NKAIN2: variants seen among roughly 807,000 people sequenced by gnomAD.
NKAIN2 encodes sodium/potassium-transporting ATPase subunit beta-1-interacting protein 2.
NKAIN2 carries 14 observed loss-of-function variants against 32.6 expected under a neutral mutation model. The observed-to-expected ratio is 0.43, with a 90% CI of 0.28 to 0.67. NKAIN2 has a LOEUF of 0.67. Among genes scored for constraint, NKAIN2 ranks in the 30% least tolerant of loss-of-function variants. The probability of loss-of-function intolerance (pLI) is 0.17; values close to 1 mark genes in which losing one functional copy is unlikely to be tolerated. For synonymous variants in NKAIN2, 80 were observed against 87.2 expected, an observed-to-expected ratio of 0.92 and a Z score of 0.46; for missense variants, 198 against 258.3, an observed-to-expected ratio of 0.77 and a Z score of 1.60.
intron 1 of NKAIN2, among the ~76,000 whole-genome samples, chr6:123,911,822 C>A (rs868096856): frequency 2.9e-5 from 2 of 68,930 alleles, no homozygotes; most frequent in African/African-American, 9.1e-5. Context: ...TACACACACA[C>A]ACACACACAC....
intron 3 of NKAIN2, among the ~76,000 whole-genome samples, chr6:124,561,147 C>T (rs1221940743): frequency 1.3e-5 from 2 of 152,136 alleles, no homozygotes; most frequent in African/African-American, 2.4e-5. Flanking sequence ...GGGAAAAGTC[C>T]GAAGCAGGAG....
At chr6:123,957,840 T>A (rs1777667635) in intron 1 of NKAIN2, among the ~76,000 whole-genome samples, 1 of 152,212 alleles carries the variant, frequency 6.6e-6, no homozygotes, top group South Asian at 2.1e-4. Context: ...TTTGAAAAAT[T>A]AAATTTCTTT....
At chr6:124,465,872 T>C (rs1182178214) in intron 3 of NKAIN2, among the ~76,000 whole-genome samples, 1 of 152,126 alleles carries the variant, frequency 6.6e-6, no homozygotes, top group Non-Finnish European at 1.5e-5. Context: ...TTTATGAAAT[T>C]AGCCTGTGTA....
intron 1 of NKAIN2, among the ~76,000 whole-genome samples, chr6:123,941,216 A>G (rs1210692584): frequency 2.0e-5 from 3 of 151,756 alleles, no homozygotes; most frequent in Admixed American, 6.6e-5. Context: ...GTCTGCCCTG[A>G]TAACATTTCG....
intron 1 of NKAIN2, among the ~76,000 whole-genome samples, chr6:123,875,848 T>C (rs1210398938): frequency 6.6e-6 from 1 of 152,118 alleles, no homozygotes; most frequent in African/African-American, 2.4e-5. Flanking sequence ...CCTTCATTTG[T>C]TGACTAATTT....
chr6:124,545,637 AAT>A (rs200590738), intron 3 of NKAIN2, among the ~76,000 whole-genome samples: 11 of 150,796 alleles, frequency 7.3e-5, no homozygotes, highest in Middle Eastern at 3.2e-3. Flanking sequence ...TATGTCTAGG[AAT>A]ATATATATAT....
At chr6:124,139,628 T>G (rs1253281896) in intron 1 of NKAIN2, among the ~76,000 whole-genome samples, 2 of 152,262 alleles carry the variant, frequency 1.3e-5, no homozygotes, top group East Asian at 3.9e-4. Flanking sequence ...CCCATTATAG[T>G]GATAAAAGCT....
At chr6:124,185,154 A>C (rs1288570383) in intron 1 of NKAIN2, among the ~76,000 whole-genome samples, 3 of 152,132 alleles carry the variant, frequency 2.0e-5, no homozygotes. Context: ...TAGCAATTCT[A>C]CTATATTTGA....
intron 1 of NKAIN2, among the ~76,000 whole-genome samples, chr6:123,958,255 A>T (rs1777689098): frequency 6.6e-6 from 1 of 152,156 alleles, no homozygotes; most frequent in East Asian, 1.9e-4. Flanking sequence ...AAAAAATTGC[A>T]AATCATCAGA....
intron 3 of NKAIN2, among the ~76,000 whole-genome samples, chr6:124,395,529 T>C (rs1773340077): frequency 6.6e-6 from 1 of 152,114 alleles, no homozygotes; most frequent in Admixed American, 6.5e-5. Context: ...AAAGAAATGG[T>C]TAATAAAATT....
rs181687080 is a variant in NKAIN2, at chr6:124,230,892, C to G, written c.55-52113C>G. Among the ~76,000 whole-genome samples the G allele has an allele frequency of 2.2e-3, 328 of 152,300 alleles. 1 individual carries two copies. The highest frequency in any genetic ancestry group is 6.6e-3 in the African/African-American group (276 of 41,584). On this transcript the variant is annotated intron_variant, in intron 1 of 6. Coordinates refer to ENST00000368417, the MANE Select transcript of NKAIN2 (RefSeq NM_001040214.3). ...TTGGAGACCCCACACAGAGTCCCTA[C>G]TGGGGCACCTCCTAGTGGAGCTGTG...
chr6:124,773,177 G>C (rs912010636), intron 4 of NKAIN2, among the ~76,000 whole-genome samples: 5 of 152,088 alleles, frequency 3.3e-5, no homozygotes, highest in Non-Finnish European at 5.9e-5. Flanking sequence ...CATCCTCCTA[G>C]TGAGAACCGT....
intron 3 of NKAIN2, among the ~76,000 whole-genome samples, chr6:124,657,527 C>A (rs1784583660): frequency 6.6e-6 from 1 of 152,044 alleles, no homozygotes; most frequent in African/African-American, 2.4e-5. Flanking sequence ...TATCTCCACC[C>A]TACAAGAATT....
intron 4 of NKAIN2, among the ~76,000 whole-genome samples, chr6:124,710,959 T>C (rs1213417067): frequency 6.6e-6 from 1 of 151,058 alleles, no homozygotes; most frequent in African/African-American, 2.4e-5. Flanking sequence ...GATTTTGCAG[T>C]GGCTGGTACG....
intron 3 of NKAIN2, among the ~76,000 whole-genome samples, chr6:124,592,105 C>T (rs942240488): frequency 1.3e-5 from 2 of 152,114 alleles, no homozygotes; most frequent in Admixed American, 6.5e-5. Context: ...TTTATACTTA[C>T]TCAACTATGT....
chr6:124,161,466 TATC>T (rs1409755327), intron 1 of NKAIN2, among the ~76,000 whole-genome samples: 1 of 152,140 alleles, frequency 6.6e-6, no homozygotes, highest in Non-Finnish European at 1.5e-5. Flanking sequence ...ATATTGTTAT[TATC>T]ATATCAATAA....
intron 3 of NKAIN2, among the ~76,000 whole-genome samples, chr6:124,623,981 G>T (rs1161508654): frequency 6.6e-6 from 1 of 152,034 alleles, no homozygotes; most frequent in East Asian, 1.9e-4. Flanking sequence ...CTGTGTCTAG[G>T]GGAAGAATGT....
rs77342357 is a variant in NKAIN2 at position 124,693,147 on chromosome 6, G to A, written c.474+34761G>A. ...CCTGCCTTGGGGAGTACATTTATGA[G>A]CCACATGACATTTTGGTCAACCACA... On this transcript the variant is annotated intron_variant, in intron 4 of 6. Transcript: ENST00000368417. 5.3e-3 allele frequency among the ~76,000 whole-genome samples: 809 copies of A among 152,228 alleles called. 17 individuals are homozygous for A. In the East Asian group the frequency reaches 0.055, roughly 10 times the overall value.
chr6:124,096,991 G>T (rs2114939526), intron 1 of NKAIN2, among the ~76,000 whole-genome samples: 1 of 152,216 alleles, frequency 6.6e-6, no homozygotes, highest in South Asian at 2.1e-4. Context: ...GAACGTAGAT[G>T]AAGTCCTTGA....
Sources: gnomAD v4.1 joint callset for allele counts (sites outside exome capture counted in the v4.1 genomes callset) on GRCh38, gnomAD v4.1.1 for gene constraint, MANE v1.5 for transcripts, NCBI Gene and HGNC (gene_info 2026-07-23, HGNC 2026-07-21) for gene names.